PSD2: variants seen among roughly 807,000 people sequenced by gnomAD.
The protein encoded by PSD2 is pleckstrin and Sec7 domain containing 2.
Under a neutral mutation model 69.8 loss-of-function variants are expected in PSD2, and 38 were observed. The observed-to-expected ratio is 0.54, with a 90% CI of 0.42 to 0.71. PSD2 has a LOEUF of 0.71. Among genes scored for constraint, PSD2 ranks in the 30% least tolerant of loss-of-function variants. The pLI, the probability that PSD2 is intolerant of heterozygous loss-of-function variation, is 0.00. For missense variants in PSD2, 943 were observed against 1,014.5 expected (o/e 0.93, Z 0.96); for synonymous variants, 412 against 423.0 (o/e 0.97, Z 0.32).
the PSD2 span, among the ~76,000 whole-genome samples, chr5:139,784,187 G>A: frequency 6.6e-5 from 10 of 151,724 alleles, no homozygotes; most frequent in African/African-American, 4.8e-5. Flanking sequence ...CGATCCACCC[G>A]CCTCTGCCTC....
chr5:139,808,274 CAG>C (rs1759861553), intron 1 of PSD2, among the ~76,000 whole-genome samples: 1 of 152,156 alleles, frequency 6.6e-6, no homozygotes, highest in Non-Finnish European at 1.5e-5. Flanking sequence ...CAGGGGCAGA[CAG>C]GGGAGGAGGG....
At chr5:139,775,001 G>T in the PSD2 span, among the ~76,000 whole-genome samples, 1 of 152,090 alleles carries the variant, frequency 6.6e-6, no homozygotes, top group East Asian at 1.9e-4. Flanking sequence ...TATCGAGACC[G>T]TACTGTGCCG....
chr5:139,817,542 A>T lies in PSD2; in HGVS notation c.1078A>T (p.Thr360Ser). The change falls in exon 5 of 15, where the codon ACT becomes TCT. Residue 360 changes from threonine (T) to serine (S), a missense_variant. Physicochemically the swap from Thr to Ser is moderately conservative, Grantham distance 58. Around this residue, in one of 3 missense-constraint regions of PSD2, gnomAD observed 312 missense variants for 400.7 expected, o/e 0.78. Transcript: ENST00000274710. ...YLSFFDFSGLTLDGALRTFLK... is the reference protein window; with the variant it reads ...YLSFFDFSGLSLDGALRTFLK... Reference sequence around the variant, plus strand: ...CAGTTTCTTCGACTTCTCGGGCTTGACTCTGGACGGAGCACTCAGGTCAGT... The same window carrying T: ...CAGTTTCTTCGACTTCTCGGGCTTGTCTCTGGACGGAGCACTCAGGTCAGT... 1 of 1,613,562 alleles carries T rather than the reference A, an allele frequency of 6.2e-7. No homozygotes were observed. The highest frequency in any genetic ancestry group is 8.5e-7 in the Non-Finnish European group (1 of 1,179,848).
chr5:139,834,649 C>A (rs1438884632), intron 8 of PSD2, among the ~76,000 whole-genome samples: 1 of 151,964 alleles, frequency 6.6e-6, no homozygotes, highest in Non-Finnish European at 1.5e-5. Flanking sequence ...ATACTACAGG[C>A]GTAGTTGAAT....
At chr5:139,786,291 GTGGGGGGATCACCTGAGCCC>G in the PSD2 span, among the ~76,000 whole-genome samples, 2 of 152,146 alleles carry the variant, frequency 1.3e-5, no homozygotes, top group Non-Finnish European at 2.9e-5. Flanking sequence ...AGGCAGAGAG[GTGGGGGGATCACCTGAGCCC>G]AGGAGGTTGA....
chr5:139,841,326 C>T (rs1178570474), intron 14 of PSD2, among the ~76,000 whole-genome samples: 1 of 152,120 alleles, frequency 6.6e-6, no homozygotes, highest in Non-Finnish European at 1.5e-5. Context: ...AACTTAATGT[C>T]CCAATAATGG....
chr5:139,818,106 T>C (rs1760168654), intron 5 of PSD2, among the ~76,000 whole-genome samples: 1 of 152,218 alleles, frequency 6.6e-6, no homozygotes, highest in South Asian at 2.1e-4. Context: ...CTGTAGTATC[T>C]AGCAGGCTCT....
chr5:139,802,078 C>T (rs991112429), intron 1 of PSD2, among the ~76,000 whole-genome samples: 17 of 151,300 alleles, frequency 1.1e-4, no homozygotes, highest in African/African-American at 1.9e-4. Context: ...GACCCTGAGC[C>T]GAAGTCCTAA....
Position 139,813,371 on chromosome 5 carries a change from T to C in PSD2, c.434T>C (p.Leu145Pro). 1 of 1,595,468 alleles carries C rather than the reference T, an allele frequency of 6.3e-7. No individual in the cohort carries two copies. The highest frequency in any genetic ancestry group is 8.6e-7 in the Non-Finnish European group (1 of 1,165,838). Residue 145 changes from leucine to proline, a missense_variant, in exon 3 of 15, where the codon CTG becomes CCG. By Grantham distance (98) the Leu-to-Pro change is moderately conservative. Coordinates refer to ENST00000274710, the MANE Select transcript of PSD2 (RefSeq NM_032289.4). The part of the protein sequence containing the change: ...DGFSATFEKI[L>P]ESELLRGTQY... ...TTCAGCGCCACGTTTGAGAAGATTC[T>C]GGAGTCAGAGCTGCTGCGGGGCACC...
rs779789970 is a variant in PSD2 at position 139,837,893 on chromosome 5, T to C, written c.1823+111T>C. The C allele has an allele frequency of 2.8e-6, 3 of 1,071,334 alleles. No individual in the cohort carries two copies. Among genetic ancestry groups the C allele is most frequent in the Non-Finnish European group, 4.0e-6 (3 of 748,198 alleles). 66.4% of individuals were successfully genotyped at this position (1,071,334 alleles called of 1,614,324 possible). ...CAGCAACAGAGCATGTGTATCCACA[T>C]GACACAGACCGACAGCTGGGTCCCT... On this transcript the variant is annotated intron_variant, in intron 12 of 14. Transcript: ENST00000274710. This position sits in a 1 kb window ranked among gnomAD's most constrained non-coding sequence, Gnocchi z 5.0.
the PSD2 span, among the ~76,000 whole-genome samples, chr5:139,790,749 A>C: frequency 6.6e-6 from 1 of 152,106 alleles, no homozygotes; most frequent in Non-Finnish European, 1.5e-5. Flanking sequence ...AACTTTAGAA[A>C]ATGGTGGCCA....
the PSD2 span, among the ~76,000 whole-genome samples, chr5:139,789,987 A>ACGGGGC: frequency 2.0e-5 from 3 of 151,612 alleles, no homozygotes; most frequent in African/African-American, 4.8e-5. Context: ...AGAGAGCAGC[A>ACGGGGC]CGGGGCCGGG....
chr5:139,806,470 C>T (rs1336825931), intron 1 of PSD2, among the ~76,000 whole-genome samples: 1 of 152,218 alleles, frequency 6.6e-6, no homozygotes, highest in East Asian at 1.9e-4. Context: ...TCAGGCAAAG[C>T]CTTTCTGGGT....
In PSD2 at chr5:139,836,973, G is replaced by A. The variant is rs1554096835; in HGVS notation, c.1566G>A (p.Lys522=). 2 of 1,613,458 alleles carry A rather than the reference G, an allele frequency of 1.2e-6. No individual in the cohort carries two copies. Among genetic ancestry groups the A allele is most frequent in the Non-Finnish European group, 1.7e-6 (2 of 1,179,740 alleles). The change falls in exon 10 of 15, where the codon AAG becomes AAA. Residue 522 remains lysine (K), a synonymous_variant. Coordinates refer to ENST00000274710, the MANE Select transcript of PSD2 (RefSeq NM_032289.4). ...TTYKHGVLTR[K]THADMDGKRT... ...ACAAGCACGGCGTCCTGACCCGGAA[G>A]ACTCACGCTGACATGGATGGCAAGA...
At position 139,818,100 on chromosome 5, in the gene PSD2, A is replaced by G. The variant is rs565624861; in HGVS notation, c.1097+539A>G. Among the ~76,000 whole-genome samples the G allele has an allele frequency of 3.4e-3, 512 of 152,252 alleles. 5 individuals carry two copies. The highest frequency in any genetic ancestry group is 3.6e-3 in the Non-Finnish European group (242 of 68,012). ...GTAGAATGGATGGGTGCAGCCCTGT[A>G]GTATCTAGCAGGCTCTGGTGGCAGG... On this transcript the variant is annotated intron_variant, in intron 5 of 14. Transcript: ENST00000274710.
At position 139,843,423 on chromosome 5, in the gene PSD2, T is replaced by G. The variant is rs1760926066; in HGVS notation, c.*949T>G. The stretch of plus-strand genomic sequence containing the variant: ...CGTTTGTCCCATGGATATCCTGGGG[T>G]GTGAGTCGGATGGGACCACGGCCCT... On this transcript the variant is annotated 3_prime_UTR_variant, in exon 15 of 15. Coordinates refer to ENST00000274710, the MANE Select transcript of PSD2 (RefSeq NM_032289.4). 6.6e-6 allele frequency: 1 copy of G among 152,192 alleles called. No homozygotes were observed. The highest frequency in any genetic ancestry group is 1.5e-5 in the Non-Finnish European group (1 of 68,040). 9.4% of individuals were successfully genotyped at this position (152,192 alleles called of 1,614,324 possible).
chr5:139,813,086 T>C (rs958459665), intron 2 of PSD2, among the ~76,000 whole-genome samples: 2 of 152,164 alleles, frequency 1.3e-5, no homozygotes, highest in Non-Finnish European at 2.9e-5. Context: ...ATGGCGAGGC[T>C]GGGGGCCCCG....
intron 9 of PSD2, 40 bp downstream of exon 9, chr5:139,835,806 T>A: frequency 6.3e-7 from 1 of 1,599,476 alleles, no homozygotes; most frequent in South Asian, 1.1e-5. Context: ...GGAGCATACA[T>A]CCCTGGGTGG....
At chr5:139,761,767 C>G in the PSD2 span, among the ~76,000 whole-genome samples, 1 of 152,310 alleles carries the variant, frequency 6.6e-6, no homozygotes, top group Non-Finnish European at 1.5e-5. Context: ...GGGAGATCAT[C>G]CATGGCTTAG....
Sources: gnomAD v4.1 joint callset for allele counts (sites outside exome capture counted in the v4.1 genomes callset) on GRCh38, gnomAD v4.1.1 for gene constraint, gnomAD v4.1.1 regional missense constraint, Gnocchi (gnomAD v3.1) non-coding constraint, MANE v1.5 for transcripts, NCBI Gene and HGNC (gene_info 2026-07-23, HGNC 2026-07-21) for gene names.